The following NTM variants were observed in gnomAD, a reference collection of about 807,000 sequenced individuals.
NTM encodes IgLON family member 2.
Under a neutral mutation model 42.1 loss-of-function variants are expected in NTM, and 13 were observed. The observed-to-expected ratio is 0.31, with a 90% CI of 0.20 to 0.49. NTM has a LOEUF of 0.49. NTM is among the 20% of genes least tolerant of loss of function. The pLI is 0.99. For synonymous variants in NTM, 187 were observed against 179.2 expected, an observed-to-expected ratio of 1.04 and a Z score of -0.35; for missense variants, 373 against 452.8, an observed-to-expected ratio of 0.82 and a Z score of 1.60.
At chr11:131,705,983 A>G (rs1369169158) in intron 1 of NTM, among the ~76,000 whole-genome samples, 1 of 152,092 alleles carries the variant, frequency 6.6e-6, no homozygotes, top group East Asian at 1.9e-4. Flanking sequence ...GTCCTTATCT[A>G]TCAATAATTA....
chr11:131,910,460 G>GTCCGCGC (rs1555172610), intron 1 of NTM, among the ~76,000 whole-genome samples: 1 of 150,890 alleles, frequency 6.6e-6, no homozygotes, highest in Non-Finnish European at 1.5e-5. Context: ...TAAGGTGGGC[G>GTCCGCGC]CCCGCGCCCC....
chr11:132,028,966 T>C (rs2075564509), intron 2 of NTM, among the ~76,000 whole-genome samples: 1 of 152,116 alleles, frequency 6.6e-6, no homozygotes, highest in Non-Finnish European at 1.5e-5. Context: ...CCCTAAGACT[T>C]GTGCACACTG....
At chr11:131,884,463 G>T (rs1008005095) in intron 1 of NTM, among the ~76,000 whole-genome samples, 3 of 152,160 alleles carry the variant, frequency 2.0e-5, no homozygotes, top group Non-Finnish European at 2.9e-5. Context: ...AAGTTAGAAG[G>T]TTTTAATATT....
intron 1 of NTM, among the ~76,000 whole-genome samples, chr11:131,612,903 G>C (rs1465920572): frequency 6.6e-6 from 1 of 152,206 alleles, no homozygotes; most frequent in Non-Finnish European, 1.5e-5. Context: ...CTCTGCCTCT[G>C]CTGCAGGAGC....
chr11:131,884,144 T>C (rs1360746515), intron 1 of NTM, among the ~76,000 whole-genome samples: 7 of 152,182 alleles, frequency 4.6e-5, no homozygotes, highest in Non-Finnish European at 1.0e-4. Flanking sequence ...GCATGGTGAC[T>C]CATGCCTGTA....
chr11:131,893,353 G>T (rs964379144), intron 1 of NTM, among the ~76,000 whole-genome samples: 2 of 152,200 alleles, frequency 1.3e-5, no homozygotes, highest in Admixed American at 1.3e-4. Flanking sequence ...AGAAGAAAAT[G>T]ATTCGGAGTT....
intron 1 of NTM, among the ~76,000 whole-genome samples, chr11:131,398,987 C>T (rs912169603): frequency 6.6e-6 from 1 of 152,154 alleles, no homozygotes; most frequent in African/African-American, 2.4e-5. Context: ...ATTGTAGCAC[C>T]TGTAAACAAC....
chr11:131,536,714 G>A (rs1477786189), intron 1 of NTM: 1 of 152,306 alleles, frequency 6.6e-6, no homozygotes, highest in East Asian at 1.9e-4. Context: ...CAATTACTCA[G>A]TATTTTCTAG....
intron 1 of NTM, among the ~76,000 whole-genome samples, chr11:131,513,422 TACTG>T (rs1035492702): frequency 1.3e-5 from 2 of 151,448 alleles, no homozygotes; most frequent in African/African-American, 2.4e-5. Flanking sequence ...AGACCGGAAA[TACTG>T]ACCAAAGACA....
chr11:131,841,499 T>A (rs891467259), intron 1 of NTM, among the ~76,000 whole-genome samples: 2 of 152,192 alleles, frequency 1.3e-5, no homozygotes, highest in African/African-American at 4.8e-5. Context: ...TGGGCAATTT[T>A]AAAAATCCTG....
At chr11:131,805,134 T>C (rs908887968) in intron 1 of NTM, among the ~76,000 whole-genome samples, 3 of 152,188 alleles carry the variant, frequency 2.0e-5, no homozygotes, top group Admixed American at 6.5e-5. Flanking sequence ...TCCTATAAAG[T>C]AGAGGCCATC....
rs1429649889 is a variant in NTM, at chr11:132,122,883, ACACT to A, written c.168-23395_168-23392del. Among the ~76,000 whole-genome samples, 6 of 152,166 alleles carry A rather than the reference ACACT, an allele frequency of 3.9e-5. No homozygotes were observed. The East Asian group carries it at 7.7e-4, about 20-fold the overall frequency. ...AGATTCCTGTTGCCTTGTCTCACAC[ACACT>A]CACACACACTCACACACACAGACTC... On this transcript the variant is annotated intron_variant, in intron 2 of 8. Coordinates refer to ENST00000683400, the MANE Select transcript of NTM (RefSeq NM_001352005.2).
intron 2 of NTM, among the ~76,000 whole-genome samples, chr11:132,112,554 AC>A (rs1212923139): frequency 6.6e-6 from 1 of 152,226 alleles, no homozygotes; most frequent in East Asian, 1.9e-4. Context: ...GAGGGTGTGT[AC>A]TGCCAAGTAC....
In NTM at chr11:132,264,357, T is replaced by G. The variant is rs190512759; in HGVS notation, c.527-43332T>G. 7.9e-5 allele frequency among the ~76,000 whole-genome samples: 12 copies of G among 152,350 alleles called. No homozygotes were observed. In the East Asian group the frequency reaches 1.3e-3, roughly 17 times the overall value. ...ATTTTTCTATTGGGTTGTTTATCATTTTGAAAATTGATCTGAAAAAGCAGT... is the reference window on the plus strand; with the variant it reads ...ATTTTTCTATTGGGTTGTTTATCATGTTGAAAATTGATCTGAAAAAGCAGT... On this transcript the variant is annotated intron_variant, in intron 4 of 8. Transcript: ENST00000683400.
intron 1 of NTM, among the ~76,000 whole-genome samples, chr11:131,794,083 G>A (rs78133363): frequency 5.3e-5 from 8 of 152,282 alleles, no homozygotes; most frequent in Non-Finnish European, 1.0e-4. Flanking sequence ...ACTCATGGAC[G>A]GTTCTCCAGG....
At chr11:132,058,391 C>A (rs779987682) in intron 2 of NTM, among the ~76,000 whole-genome samples, 1 of 152,172 alleles carries the variant, frequency 6.6e-6, no homozygotes, top group African/African-American at 2.4e-5. Context: ...GAGAACTCTG[C>A]CCTGCGAAGC....
chr11:132,252,978 T>C (rs945824805), intron 4 of NTM, among the ~76,000 whole-genome samples: 10 of 152,228 alleles, frequency 6.6e-5, no homozygotes, highest in African/African-American at 1.2e-4. Context: ...ATGTCCTCTT[T>C]GCAGAATACT....
intron 2 of NTM, among the ~76,000 whole-genome samples, chr11:132,088,910 A>AT (rs34458278): frequency 2.3e-3 from 347 of 150,270 alleles, no homozygotes; most frequent in South Asian, 0.015. Context: ...CCCTTTAAAG[A>AT]TTTTTTTTTT....
At chr11:132,333,746 C>A (rs1156979573) in intron 8 of NTM, among the ~76,000 whole-genome samples, 1 of 152,146 alleles carries the variant, frequency 6.6e-6, no homozygotes, top group Non-Finnish European at 1.5e-5. Context: ...GGTTGATGAC[C>A]TATTGCATTT....
Sources: gnomAD v4.1 joint callset for allele counts (sites outside exome capture counted in the v4.1 genomes callset) on GRCh38, gnomAD v4.1.1 for gene constraint, MANE v1.5 for transcripts, NCBI Gene and HGNC (gene_info 2026-07-23, HGNC 2026-07-21) for gene names.